The following DNAH8 variants were observed in gnomAD, a reference collection of about 807,000 sequenced individuals.
The protein encoded by DNAH8 is axonemal beta dynein heavy chain 8.
Under a neutral mutation model 562.1 loss-of-function variants are expected in DNAH8, and 382 were observed. That is an observed-to-expected ratio of 0.68 (90% CI 0.63 to 0.74). The LOEUF (loss-of-function observed/expected upper bound fraction) is 0.74. Ranked by LOEUF, DNAH8 falls within the 30% of genes least tolerant of loss-of-function variation. The pLI, the probability that DNAH8 is intolerant of heterozygous loss-of-function variation, is 0.00. For synonymous variants in DNAH8, 1,881 were observed against 1,919.4 expected, an observed-to-expected ratio of 0.98 and a Z score of 0.52; for missense variants, 5,203 against 5,620.4, an observed-to-expected ratio of 0.93 and a Z score of 2.37.
intron 52 of DNAH8, among the ~76,000 whole-genome samples, chr6:38,874,078 TTCTTTCTTTC>T (rs1554124183): frequency 3.1e-5 from 2 of 63,672 alleles, no homozygotes; most frequent in African/African-American, 9.5e-5. Flanking sequence ...TTTTCTTTCT[TTCTTTCTTTC>T]TTTCTTTCTC....
At chr6:38,785,508 GATTT>G (rs996084911) in intron 17 of DNAH8, among the ~76,000 whole-genome samples, 1 of 152,114 alleles carries the variant, frequency 6.6e-6, no homozygotes, top group Non-Finnish European at 1.5e-5. Context: ...TAGGATAAGT[GATTT>G]ATTTATTTAT....
rs186458646 is a variant in DNAH8, at chr6:38,990,303, G to A, written c.13214+131G>A. 1.6e-4 allele frequency: 102 copies of A among 656,930 alleles called. No homozygotes were observed. In the African/African-American group the frequency reaches 1.6e-3, roughly 10 times the overall value. 40.7% of individuals were successfully genotyped at this position (656,930 alleles called of 1,614,324 possible). Reference sequence around the variant, plus strand: ...TTATTTTACTGTGAAAAATAGTGTCGCTTCCTGTCTCCCAATTACAACTTT... The same window carrying A: ...TTATTTTACTGTGAAAAATAGTGTCACTTCCTGTCTCCCAATTACAACTTT... On this transcript the variant is annotated intron_variant, in intron 88 of 92. Coordinates refer to ENST00000327475, the MANE Select transcript of DNAH8 (RefSeq NM_001206927.2).
chr6:38,951,613 T>C (rs1489557549), intron 82 of DNAH8, 93 bp downstream of exon 82: 3 of 1,123,994 alleles, frequency 2.7e-6, no homozygotes, highest in African/African-American at 1.6e-5. Context: ...TTCTTAGAAA[T>C]AGATGTAAAA....
Position 38,807,609 on chromosome 6 carries a change from G to C in DNAH8, c.3151-1G>C. ...AAATTTAATCTGATTTCTTATTACAGGAGTGTAAAGAGGTCTTTGCTTTTT... is the reference window on the plus strand; with the variant it reads ...AAATTTAATCTGATTTCTTATTACACGAGTGTAAAGAGGTCTTTGCTTTTT... On this transcript the variant is annotated splice_acceptor_variant, in intron 23 of 92. Transcript: ENST00000327475. LOFTEE classifies it high-confidence loss of function. The C allele has an allele frequency of 6.8e-7, 1 of 1,469,510 alleles. No homozygotes were observed. Among genetic ancestry groups the C allele is most frequent in the Non-Finnish European group, 9.1e-7 (1 of 1,104,682 alleles). The allele number at this position is 1,469,510 out of a possible 1,614,324, so 91.0% of individuals were successfully genotyped here. A position where few individuals can be genotyped will look rare whatever the true frequency, so the allele number is the denominator to read the frequency against.
intron 82 of DNAH8, among the ~76,000 whole-genome samples, chr6:38,964,657 C>G (rs1478321399): frequency 6.6e-6 from 1 of 151,716 alleles, no homozygotes; most frequent in Non-Finnish European, 1.5e-5. Context: ...ATTGAATGAA[C>G]AAGAATGCAT....
At chr6:38,844,001 A>G (rs558467115) in intron 35 of DNAH8, among the ~76,000 whole-genome samples, 3 of 151,068 alleles carry the variant, frequency 2.0e-5, no homozygotes, top group South Asian at 2.1e-4. Context: ...GTGCTGACCT[A>G]TTTCAGGTCC....
At chr6:38,961,050 G>A (rs1429066392) in intron 82 of DNAH8, among the ~76,000 whole-genome samples, 3 of 152,002 alleles carry the variant, frequency 2.0e-5, no homozygotes, top group Non-Finnish European at 2.9e-5. Flanking sequence ...GGATGAATAC[G>A]GTGGGCATTA....
chr6:38,838,621 G>A (rs557216406), intron 33 of DNAH8, among the ~76,000 whole-genome samples: 5 of 151,758 alleles, frequency 3.3e-5, no homozygotes, highest in South Asian at 4.2e-4. Context: ...GGATGGTCTC[G>A]ATCTCCTGAC....
chr6:38,925,203 G>A (rs983169110), intron 73 of DNAH8, among the ~76,000 whole-genome samples: 1 of 152,178 alleles, frequency 6.6e-6, no homozygotes, highest in African/African-American at 2.4e-5. Context: ...AAGTGGGCCA[G>A]AATATTCTTT....
At chr6:38,897,838 T>C (rs1479420960) in intron 60 of DNAH8, among the ~76,000 whole-genome samples, 2 of 152,162 alleles carry the variant, frequency 1.3e-5, no homozygotes, top group East Asian at 3.9e-4. Flanking sequence ...GGAGGAACAA[T>C]TTGCAAAACA....
At chr6:38,892,668 T>A (rs2150490486) in intron 58 of DNAH8, among the ~76,000 whole-genome samples, 1 of 152,300 alleles carries the variant, frequency 6.6e-6, no homozygotes. Flanking sequence ...TTCTTCTTGC[T>A]CTCTTGGAGT....
At chr6:38,894,960 C>A in intron 59 of DNAH8, 96 bp downstream of exon 59, 1 of 1,273,204 alleles carries the variant, frequency 7.9e-7, no homozygotes, top group Non-Finnish European at 1.1e-6. Context: ...TGGAGTTTTG[C>A]TCTTGTTGCC....
Position 38,845,504 on chromosome 6 carries a change from C to A in DNAH8, c.4846-70C>A, listed in dbSNP as rs557258058. 627 of 1,301,134 alleles carry A rather than the reference C, an allele frequency of 4.8e-4. 4 individuals carry two copies. The African/African-American group carries it at 8.0e-3, about 17-fold the overall frequency. 80.6% of individuals were successfully genotyped at this position (1,301,134 alleles called of 1,614,324 possible). A position where few individuals can be genotyped will look rare whatever the true frequency, so the allele number is the denominator to read the frequency against. ...GTCCCTTTCAAGCAAAAAAAAAATTCTATGATTTGATGATGCACTTAATTT... is the reference window on the plus strand; with the variant it reads ...GTCCCTTTCAAGCAAAAAAAAAATTATATGATTTGATGATGCACTTAATTT... On this transcript the variant is annotated intron_variant, in intron 35 of 92. Transcript: ENST00000327475.
chr6:38,895,771 A>G lies in DNAH8; in HGVS notation c.8748-262A>G, dbSNP rs148268883. On this transcript the variant is annotated intron_variant, in intron 59 of 92. Coordinates refer to ENST00000327475, the MANE Select transcript of DNAH8 (RefSeq NM_001206927.2). ...AGAGGACGCTCGTCCACTACCGACCATCACTTCTGCTCTCCTATCGCAAGT... is the reference window on the plus strand; with the variant it reads ...AGAGGACGCTCGTCCACTACCGACCGTCACTTCTGCTCTCCTATCGCAAGT... Among the ~76,000 whole-genome samples the G allele has an allele frequency of 2.7e-3, 413 of 152,324 alleles. 2 individuals are homozygous for G. Among genetic ancestry groups the G allele is most frequent in the African/African-American group, 9.3e-3 (388 of 41,574 alleles).
chr6:38,815,375 C>T, intron 25 of DNAH8, 93 bp from the exon 26 acceptor site: 1 of 1,010,768 alleles, frequency 9.9e-7, no homozygotes, highest in Admixed American at 2.0e-5. Context: ...CCAGCCGAGG[C>T]TTGCCCCACT....
At chr6:38,894,561 C>T in intron 58 of DNAH8, 140 bp from the exon 59 acceptor site, 1 of 724,662 alleles carries the variant, frequency 1.4e-6, no homozygotes, top group Non-Finnish European at 2.2e-6. Context: ...TCCGTGTTGT[C>T]ACAAAATGTG....
chr6:39,005,526 C>T (rs760798286), intron 88 of DNAH8, among the ~76,000 whole-genome samples: 2 of 152,196 alleles, frequency 1.3e-5, no homozygotes, highest in Non-Finnish European at 2.9e-5. Flanking sequence ...GTGATCATAA[C>T]CATTCTTTGT....
At chr6:39,001,288 A>T (rs781763075) in intron 88 of DNAH8, among the ~76,000 whole-genome samples, 1 of 151,898 alleles carries the variant, frequency 6.6e-6, no homozygotes, top group Non-Finnish European at 1.5e-5. Flanking sequence ...GCATACAGAG[A>T]TTTAAGCCTT....
rs767171490 is a variant in DNAH8 at position 38,894,869 on chromosome 6, G to A, written c.8747+5G>A. On this transcript the variant is annotated splice_donor_5th_base_variant and intron_variant, in intron 59 of 92. Transcript: ENST00000327475. ...CAGCAGAGTAATTGCAGACAGGTGCGTGTTGCGGCACTAGAGTTTAAATGT... is the reference window on the plus strand; with the variant it reads ...CAGCAGAGTAATTGCAGACAGGTGCATGTTGCGGCACTAGAGTTTAAATGT... The A allele has an allele frequency of 2.4e-5, 38 of 1,611,250 alleles. No individual in the cohort carries two copies. The highest frequency in any genetic ancestry group is 8.0e-5 in the African/African-American group (6 of 74,808).
Sources: allele counts gnomAD v4.1 joint callset (sites outside exome capture counted in the v4.1 genomes callset), GRCh38; gene constraint gnomAD v4.1.1; transcripts MANE v1.5; gene names NCBI Gene and HGNC (gene_info 2026-07-23, HGNC 2026-07-21).